Variants in GAB1 observed in about 807,000 individuals in gnomAD.
GAB1 encodes GRB2 associated binding protein 1.
Under a neutral mutation model 66.5 loss-of-function variants are expected in GAB1, and 19 were observed. The ratio of observed to expected loss-of-function variants is 0.29; its 90% CI spans 0.20 to 0.42. GAB1 has a LOEUF of 0.42. Among genes scored for constraint, GAB1 ranks in the 10% least tolerant of loss-of-function variants. The pLI is 1.00. For missense variants in GAB1, 732 were observed against 858.5 expected (o/e 0.85, Z 1.84); for synonymous variants, 294 against 301.4 (o/e 0.98, Z 0.25).
At chr4:143,443,014 C>CTTTTTT (rs755148605) in intron 6 of GAB1, among the ~76,000 whole-genome samples, 1 of 126,780 alleles carries the variant, frequency 7.9e-6, no homozygotes, top group Non-Finnish European at 1.7e-5. Context: ...TACTATTTTA[C>CTTTTTT]TTTTTTTTTT....
Position 143,438,180 on chromosome 4 carries a change from T to C in GAB1, c.775T>C (p.Tyr259His), listed in dbSNP as rs201252337. 1.0e-4 allele frequency: 163 copies of C among 1,613,964 alleles called. No individual in the cohort carries two copies. The highest frequency in any genetic ancestry group is 1.9e-5 in the Non-Finnish European group (23 of 1,180,006). Residue 259 changes from tyrosine to histidine, a missense_variant, in exon 4 of 10, where the codon TAT becomes CAT. Physicochemically the swap from Tyr to His is moderately conservative, Grantham distance 83 (BLOSUM62 2). Coordinates refer to ENST00000262994, the MANE Select transcript of GAB1 (RefSeq NM_002039.4). The stretch of plus-strand genomic sequence containing the variant: ...ATCTGCTTCAGTTGACTCCAGCCTT[T>C]ATAACCTGCCCAGGAGTTATTCCCA... ...APSASVDSSL[Y>H]NLPRSYSHDV...
At chr4:143,395,140 GA>G (rs2149691770) in intron 1 of GAB1, 1 of 152,300 alleles carries the variant, frequency 6.6e-6, no homozygotes, top group East Asian at 1.9e-4. Flanking sequence ...GAATTGTTTA[GA>G]TAAGGTTAGG....
chr4:143,404,544 T>G (rs561142482), intron 1 of GAB1, among the ~76,000 whole-genome samples: 3 of 152,326 alleles, frequency 2.0e-5, no homozygotes, highest in African/African-American at 7.2e-5. Flanking sequence ...CCTTTAAAAC[T>G]GCACTGTCCA....
intron 1 of GAB1, among the ~76,000 whole-genome samples, chr4:143,370,303 C>T (rs1049335961): frequency 2.0e-5 from 3 of 152,232 alleles, no homozygotes; most frequent in African/African-American, 7.2e-5. Flanking sequence ...AGACTGTCCA[C>T]TGAGAACATA....
At chr4:143,344,290 C>G (rs1013449100) in intron 1 of GAB1, among the ~76,000 whole-genome samples, 2 of 152,112 alleles carry the variant, frequency 1.3e-5, no homozygotes, top group Non-Finnish European at 2.9e-5. Context: ...ATAACACCAA[C>G]GGATCACATG....
chr4:143,368,460 A>G (rs1025621812), intron 1 of GAB1, among the ~76,000 whole-genome samples: 2 of 152,186 alleles, frequency 1.3e-5, no homozygotes, highest in African/African-American at 2.4e-5. Flanking sequence ...GGAATTATAA[A>G]AGCTTTATAG....
At chr4:143,447,154 A>G (rs945861533) in intron 6 of GAB1, among the ~76,000 whole-genome samples, 40 of 151,900 alleles carry the variant, frequency 2.6e-4, no homozygotes, top group African/African-American at 9.4e-4. Context: ...ATTGATCTAT[A>G]TCTCTGTTTT....
chr4:143,452,098 T>G (rs1734959528), intron 6 of GAB1, among the ~76,000 whole-genome samples: 1 of 152,124 alleles, frequency 6.6e-6, no homozygotes, highest in South Asian at 2.1e-4. Context: ...TTATGCAGTT[T>G]GCAAGGCTAT....
intron 1 of GAB1, among the ~76,000 whole-genome samples, chr4:143,371,190 C>T (rs1263482246): frequency 6.6e-6 from 1 of 152,012 alleles, no homozygotes; most frequent in Non-Finnish European, 1.5e-5. Context: ...TCCTATTTCT[C>T]CACATCCTCT....
intron 4 of GAB1, 108 bp downstream of exon 4, chr4:143,438,708 A>G (rs911510627): frequency 4.6e-5 from 55 of 1,206,248 alleles, no homozygotes; most frequent in Non-Finnish European, 6.0e-5. Context: ...TACAAAATAC[A>G]GTCCATTTTT....
rs1736165591 is a variant in GAB1, at chr4:143,473,472, A to T, written c.*4283A>T. 6.6e-6 allele frequency: 1 copy of T among 152,242 alleles called. No individual in the cohort carries two copies. The highest frequency in any genetic ancestry group is 2.4e-5 in the African/African-American group (1 of 41,524). 9.4% of individuals were successfully genotyped at this position (152,242 alleles called of 1,614,324 possible). ...CTCTATATGTCACTCATTTTCTGCA[A>T]CAAAGATCTCACTAAATCATGTTGA... On this transcript the variant is annotated 3_prime_UTR_variant, in exon 10 of 10. Transcript: ENST00000262994.
At chr4:143,430,000 CAA>C (rs1193898576) in intron 2 of GAB1, among the ~76,000 whole-genome samples, 1 of 152,276 alleles carries the variant, frequency 6.6e-6, no homozygotes, top group South Asian at 2.1e-4. Context: ...AAGCAAAAGT[CAA>C]AAAGGTTACT....
chr4:143,404,562 C>A (rs1389657635), intron 1 of GAB1, among the ~76,000 whole-genome samples: 1 of 152,202 alleles, frequency 6.6e-6, no homozygotes, highest in East Asian at 1.9e-4. Flanking sequence ...CCAGCCTGGG[C>A]AACCCACTGA....
At chr4:143,468,360 G>A (rs778680120) in intron 9 of GAB1, among the ~76,000 whole-genome samples, 37 of 151,072 alleles carry the variant, frequency 2.4e-4, no homozygotes, top group Admixed American at 5.9e-4. Flanking sequence ...GATTACAGGC[G>A]CGTGCCACCA....
intron 6 of GAB1, among the ~76,000 whole-genome samples, chr4:143,448,242 T>A (rs568221311): frequency 3.3e-5 from 5 of 152,114 alleles, no homozygotes; most frequent in African/African-American, 1.2e-4. Context: ...GATATTGATC[T>A]AAAATTCTCT....
At chr4:143,435,761 C>A (rs2149750737) in intron 3 of GAB1, among the ~76,000 whole-genome samples, 1 of 152,270 alleles carries the variant, frequency 6.6e-6, no homozygotes, top group East Asian at 1.9e-4. Flanking sequence ...AACATGCAAG[C>A]ATTAAATATT....
At chr4:143,449,435 G>C (rs1257824402) in intron 6 of GAB1, among the ~76,000 whole-genome samples, 1 of 151,730 alleles carries the variant, frequency 6.6e-6, no homozygotes, top group South Asian at 2.1e-4. Flanking sequence ...AAGTCTCTTT[G>C]TAGGTCACTC....
chr4:143,468,812 A>G (rs1408221437), intron 9 of GAB1, among the ~76,000 whole-genome samples: 2 of 151,990 alleles, frequency 1.3e-5, no homozygotes, highest in Non-Finnish European at 2.9e-5. Flanking sequence ...AATCCCAGCT[A>G]CTCAGGAGGC....
At chr4:143,344,290 C>T (rs1013449100) in intron 1 of GAB1, among the ~76,000 whole-genome samples, 3 of 152,230 alleles carry the variant, frequency 2.0e-5, no homozygotes, top group East Asian at 1.9e-4. Flanking sequence ...ATAACACCAA[C>T]GGATCACATG....
Sources: gnomAD v4.1 joint callset for allele counts (sites outside exome capture counted in the v4.1 genomes callset) on GRCh38, gnomAD v4.1.1 for gene constraint, MANE v1.5 for transcripts, NCBI Gene and HGNC (gene_info 2026-07-23, HGNC 2026-07-21) for gene names.